Variants in ANKFY1 observed in about 807,000 individuals in gnomAD.
ANKFY1 encodes ankyrin repeat and FYVE domain-containing protein 1.
In ANKFY1, 47 loss-of-function variants were observed where a neutral mutation model predicts 128.3. The ratio of observed to expected loss-of-function variants is 0.37; its 90% CI spans 0.29 to 0.47. The LOEUF is 0.47. Ranked by LOEUF, ANKFY1 falls within the 20% of genes least tolerant of loss-of-function variation. The pLI, the probability that ANKFY1 is intolerant of heterozygous loss-of-function variation, is 1.00. For synonymous variants in ANKFY1, 553 were observed against 601.6 expected, an observed-to-expected ratio of 0.92 and a Z score of 1.18; for missense variants, 1,222 against 1,510.6, an observed-to-expected ratio of 0.81 and a Z score of 3.17.
chr17:4,242,255 C>T lies in ANKFY1; in HGVS notation c.203+1G>A. 1 of 1,562,312 alleles carries T rather than the reference C, an allele frequency of 6.4e-7. No homozygotes were observed. The highest frequency in any genetic ancestry group is 8.6e-7 in the Non-Finnish European group (1 of 1,160,200). ...CCTTCTGTGTCTAGGAGCTCTCCCA[C>T]CTGTACTGCTCCTGCTCGTAGAGGT... On this transcript the variant is annotated splice_donor_variant, in intron 2 of 24. Coordinates refer to ENST00000341657, the MANE Select transcript of ANKFY1 (RefSeq NM_001330063.2). LOFTEE classifies it high-confidence loss of function.
intron 3 of ANKFY1, chr17:4,223,689 T>C (rs1320513932): frequency 6.2e-6 from 10 of 1,602,066 alleles, no homozygotes; most frequent in Admixed American, 3.3e-5. Context: ...GGTTACCGAA[T>C]AGCCCAGCCA....
At chr17:4,235,672 C>T in intron 3 of ANKFY1, 100 bp downstream of exon 3, 1 of 830,070 alleles carries the variant, frequency 1.2e-6, no homozygotes, top group South Asian at 1.6e-5. Flanking sequence ...AATTATTTTA[C>T]TTTCATTAAA....
chr17:4,223,813 TG>T, intron 3 of ANKFY1: 1 of 1,417,190 alleles, frequency 7.1e-7, no homozygotes, highest in Admixed American at 1.9e-5. Flanking sequence ...CATGCAGGCC[TG>T]GGGGCCTACG....
At chr17:4,211,013 C>T (rs1265118991) in intron 4 of ANKFY1, among the ~76,000 whole-genome samples, 1 of 151,382 alleles carries the variant, frequency 6.6e-6, no homozygotes, top group Non-Finnish European at 1.5e-5. Flanking sequence ...GCCTGGGCAG[C>T]GGAGTGAGAC....
chr17:4,184,753 G>T lies in ANKFY1; in HGVS notation c.1699+65C>A. 2.0e-6 allele frequency: 3 copies of T among 1,534,952 alleles called. No homozygotes were observed. The South Asian group carries it at 3.4e-5, about 17-fold the overall frequency. On this transcript the variant is annotated intron_variant, in intron 12 of 24. Coordinates refer to ENST00000341657, the MANE Select transcript of ANKFY1 (RefSeq NM_001330063.2). The stretch of plus-strand genomic sequence containing the variant: ...CACCAACAGAAAAAACATCAACTCT[G>T]TAACTAAGGATCCTAAACTGCTGTC...
chr17:4,170,338 A>T (rs1209037952), intron 23 of ANKFY1, among the ~76,000 whole-genome samples: 3 of 152,096 alleles, frequency 2.0e-5, no homozygotes, highest in Non-Finnish European at 4.4e-5. Context: ...GGGGAAGGAG[A>T]GCTGATAGGG....
chr17:4,222,862 C>A, intron 3 of ANKFY1: 1 of 964,090 alleles, frequency 1.0e-6, no homozygotes, highest in Non-Finnish European at 1.7e-6. Context: ...ACCCAGACGA[C>A]TCAGTATCCG....
At chr17:4,195,623 C>T in intron 8 of ANKFY1, 152 bp from the exon 9 acceptor site, 1 of 688,028 alleles carries the variant, frequency 1.5e-6, no homozygotes, top group South Asian at 1.7e-5. Context: ...AGTATCAAAA[C>T]CTGAAAACGG....
intron 24 of ANKFY1, chr17:4,168,144 T>C (rs961421690): frequency 1.4e-5 from 6 of 421,328 alleles, no homozygotes; most frequent in African/African-American, 1.2e-4. Context: ...CTTTTTTTTT[T>C]TTTTTTGGAA....
chr17:4,170,767 G>A lies in ANKFY1; in HGVS notation c.3234C>T (p.Val1078=), dbSNP rs2059302189. Reference sequence around the variant, plus strand: ...TGGCGACCTGGTAGTTGAAGATGTTGACTCCCTGGTTGTTATTCACCCCGA... The same window carrying A: ...TGGCGACCTGGTAGTTGAAGATGTTAACTCCCTGGTTGTTATTCACCCCGA... The part of the protein sequence containing the change: ...ARLGVNNNQG[V]NIFNYQVATK... The change falls in exon 23 of 25, where the codon GTC becomes GTT. Residue 1078 remains valine, a synonymous_variant. Coordinates refer to ENST00000341657, the MANE Select transcript of ANKFY1 (RefSeq NM_001330063.2). 6.2e-7 allele frequency: 1 copy of A among 1,614,002 alleles called. No individual in the cohort carries two copies. Among genetic ancestry groups the A allele is most frequent in the African/African-American group, 1.3e-5 (1 of 74,936 alleles).
chr17:4,172,425 C>T lies in ANKFY1; in HGVS notation c.3139+131G>A, dbSNP rs2059338017. On this transcript the variant is annotated intron_variant, in intron 22 of 24. Coordinates refer to ENST00000341657, the MANE Select transcript of ANKFY1 (RefSeq NM_001330063.2). ...CTCCACAACAGGGCTCTGTAACTCA[C>T]ACCCGGAGGGCCCAACAGAACTGTT... 4 of 1,302,566 alleles carry T rather than the reference C, an allele frequency of 3.1e-6. No individual in the cohort carries two copies. In the South Asian group the frequency reaches 4.3e-5, roughly 14 times the overall value. The allele number at this position is 1,302,566 out of a possible 1,614,324, so 80.7% of individuals were successfully genotyped here. A position where few individuals can be genotyped will look rare whatever the true frequency, so the allele number is the denominator to read the frequency against.
intron 15 of ANKFY1, 58 bp downstream of exon 15, chr17:4,182,123 A>G: frequency 7.3e-7 from 1 of 1,373,246 alleles, no homozygotes; most frequent in East Asian, 2.7e-5. Flanking sequence ...CAGCAGATCC[A>G]TCTCTGACAC....
chr17:4,254,347 G>T (rs867463678), intron 1 of ANKFY1, among the ~76,000 whole-genome samples: 1 of 149,848 alleles, frequency 6.7e-6, no homozygotes, highest in African/African-American at 2.5e-5. Flanking sequence ...AGGCACAGAG[G>T]GAGTCTGACC....
At chr17:4,258,301 G>A (rs556967346) in intron 1 of ANKFY1, among the ~76,000 whole-genome samples, 30 of 152,202 alleles carry the variant, frequency 2.0e-4, no homozygotes, top group South Asian at 1.0e-3. Context: ...CGAGGCGGGC[G>A]GATCACGAGG....
intron 3 of ANKFY1, among the ~76,000 whole-genome samples, chr17:4,234,693 T>C (rs191488430): frequency 1.3e-4 from 20 of 152,178 alleles, no homozygotes; most frequent in African/African-American, 4.8e-4. Context: ...TTTCTTTAAT[T>C]TGCTGCAGAG....
chr17:4,205,812 T>G (rs1164628982), intron 7 of ANKFY1, among the ~76,000 whole-genome samples: 1 of 152,106 alleles, frequency 6.6e-6, no homozygotes, highest in Non-Finnish European at 1.5e-5. Context: ...CTATTAACAA[T>G]GCATTCAAAA....
chr17:4,263,800 A>G (rs900426698), intron 1 of ANKFY1, 132 bp downstream of exon 1: 4 of 1,603,754 alleles, frequency 2.5e-6, no homozygotes, highest in Non-Finnish European at 3.4e-6. Context: ...GAGGCTAGAC[A>G]GGAAGGCTCG....
chr17:4,219,654 C>G (rs2060276581), intron 3 of ANKFY1, among the ~76,000 whole-genome samples: 1 of 151,856 alleles, frequency 6.6e-6, no homozygotes, highest in Non-Finnish European at 1.5e-5. Flanking sequence ...CTTGAAGACC[C>G]CGACTTACCT....
At chr17:4,263,260 G>A (rs1253334832) in intron 1 of ANKFY1, among the ~76,000 whole-genome samples, 2 of 152,246 alleles carry the variant, frequency 1.3e-5, no homozygotes, top group Non-Finnish European at 1.5e-5. Context: ...AGACCAGAGG[G>A]TAGGCACTGG....
Sources: gnomAD v4.1 joint callset for allele counts (sites outside exome capture counted in the v4.1 genomes callset) on GRCh38, gnomAD v4.1.1 for gene constraint, MANE v1.5 for transcripts, NCBI Gene and HGNC (gene_info 2026-07-23, HGNC 2026-07-21) for gene names.